The following PPP1R2 variants were observed in gnomAD, a reference collection of about 807,000 sequenced individuals.
PPP1R2 encodes the protein protein phosphatase 1 regulatory inhibitor subunit 2.
In PPP1R2, 16 loss-of-function variants were observed where a neutral mutation model predicts 29.9. The observed-to-expected ratio is 0.53, with a 90% CI of 0.36 to 0.81. The LOEUF (loss-of-function observed/expected upper bound fraction) is 0.81. Ranked by LOEUF, PPP1R2 falls within the 30% of genes least tolerant of loss-of-function variation. PPP1R2 has a pLI of 0.00. For missense variants in PPP1R2, 197 were observed against 252.7 expected, an observed-to-expected ratio of 0.78 and a Z score of 1.49; for synonymous variants, 76 against 91.5, an observed-to-expected ratio of 0.83 and a Z score of 0.96.
intron 2 of PPP1R2, chr3:195,528,028 A>G (rs1719037661): frequency 3.3e-6 from 1 of 299,198 alleles, no homozygotes; most frequent in African/African-American, 2.2e-5. Flanking sequence ...TTTTTGGGAA[A>G]CAAGTGGTGT....
intron 1 of PPP1R2, among the ~76,000 whole-genome samples, chr3:195,542,668 G>A (rs1195243071): frequency 6.6e-6 from 1 of 151,722 alleles, no homozygotes. Flanking sequence ...AAAGTTCAAA[G>A]ATGATGTTTA....
chr3:195,534,196 C>G (rs930241890), intron 1 of PPP1R2, among the ~76,000 whole-genome samples: 2 of 151,980 alleles, frequency 1.3e-5, no homozygotes, highest in Non-Finnish European at 2.9e-5. Context: ...ACACACACAC[C>G]TGCAGTCCCA....
At chr3:195,528,207 G>A (rs962559064) in intron 2 of PPP1R2, among the ~76,000 whole-genome samples, 2 of 151,944 alleles carry the variant, frequency 1.3e-5, no homozygotes, top group African/African-American at 4.8e-5. Context: ...CTTAGCTCCC[G>A]CTTATAAGTG....
rs1394888411 is a variant in PPP1R2, at chr3:195,536,811, GACA to G, written c.122+6090_122+6092del. On this transcript the variant is annotated intron_variant, in intron 1 of 5. Coordinates refer to ENST00000618156, the MANE Select transcript of PPP1R2 (RefSeq NM_006241.8). ...CTCAAAAAAAAAAAAAAAAAAAAAAGACAACGACGACAACTGATCATCGTTGCT... is the reference window on the plus strand; with the variant it reads ...CTCAAAAAAAAAAAAAAAAAAAAAAGACGACGACAACTGATCATCGTTGCT... Among the ~76,000 whole-genome samples, 3 of 122,860 alleles carry G rather than the reference GACA, an allele frequency of 2.4e-5. No homozygotes were observed. In the South Asian group the frequency reaches 8.0e-4, roughly 33 times the overall value. 80.6% of individuals were successfully genotyped at this position (122,860 alleles called of 152,430 possible).
intron 1 of PPP1R2, among the ~76,000 whole-genome samples, chr3:195,536,070 C>T (rs823511): frequency 0.8 from 122,401 of 152,108 alleles, 49,518 homozygotes; most frequent in East Asian, 0.99. Context: ...TATAAGAACG[C>T]AGTAACATAA....
intron 1 of PPP1R2, among the ~76,000 whole-genome samples, chr3:195,537,113 AAT>A (rs1160332963): frequency 5.3e-5 from 8 of 152,070 alleles, no homozygotes; most frequent in African/African-American, 1.4e-4. Context: ...AAAACATAAA[AAT>A]ATATATAACT....
At chr3:195,540,127 T>C (rs1719538747) in intron 1 of PPP1R2, among the ~76,000 whole-genome samples, 1 of 152,190 alleles carries the variant, frequency 6.6e-6, no homozygotes, top group Non-Finnish European at 1.5e-5. Flanking sequence ...TGCTAAAATG[T>C]GTAATCCCAA....
chr3:195,531,611 T>C (rs901707084), intron 1 of PPP1R2, among the ~76,000 whole-genome samples: 1 of 152,246 alleles, frequency 6.6e-6, no homozygotes, highest in Non-Finnish European at 1.5e-5. Context: ...ACTTTTTTTC[T>C]TCATTTTTTA....
At chr3:195,540,456 C>CTGT (rs1719553280) in intron 1 of PPP1R2, among the ~76,000 whole-genome samples, 3 of 152,132 alleles carry the variant, frequency 2.0e-5, no homozygotes, top group Non-Finnish European at 4.4e-5. Context: ...CAAAGAGGAT[C>CTGT]TCATAAAGTT....
rs757425716 is a variant in PPP1R2, at chr3:195,516,958, A to T, written c.572-16T>A. 1 of 1,608,204 alleles carries T rather than the reference A, an allele frequency of 6.2e-7. No homozygotes were observed. Among genetic ancestry groups the T allele is most frequent in the Non-Finnish European group, 8.5e-7 (1 of 1,174,860 alleles). Reference sequence around the variant, plus strand: ...GGAGTAGATCCTGCAAAGATAAAAGAAAAAGTCAACATAATTTGTTATATG... The same window carrying T: ...GGAGTAGATCCTGCAAAGATAAAAGTAAAAGTCAACATAATTTGTTATATG... On this transcript the variant is annotated splice_polypyrimidine_tract_variant and intron_variant, in intron 5 of 5. Transcript: ENST00000618156.
At chr3:195,525,546 T>C (rs1048348899) in intron 2 of PPP1R2, among the ~76,000 whole-genome samples, 1 of 152,234 alleles carries the variant, frequency 6.6e-6, no homozygotes, top group Non-Finnish European at 1.5e-5. Flanking sequence ...AGTAAATCAC[T>C]GTCTGGTTTT....
chr3:195,517,050 A>C, intron 5 of PPP1R2, 108 bp from the exon 6 acceptor site: 1 of 852,308 alleles, frequency 1.2e-6, no homozygotes, highest in Non-Finnish European at 1.9e-6. Context: ...AATTTTAAAA[A>C]CAAATAAGGT....
chr3:195,518,329 G>A (rs750374374), intron 5 of PPP1R2, among the ~76,000 whole-genome samples: 117 of 152,200 alleles, frequency 7.7e-4, no homozygotes, highest in Admixed American at 2.7e-3. Flanking sequence ...TGTATCTAAC[G>A]GGATGTAAAA....
intron 1 of PPP1R2, among the ~76,000 whole-genome samples, chr3:195,541,402 T>C (rs1719588285): frequency 6.6e-6 from 1 of 152,034 alleles, no homozygotes; most frequent in African/African-American, 2.4e-5. Context: ...GAAGCTACAT[T>C]TGAGCCTTCT....
At chr3:195,530,252 T>C (rs1577575623) in intron 1 of PPP1R2, among the ~76,000 whole-genome samples, 1 of 152,236 alleles carries the variant, frequency 6.6e-6, no homozygotes, top group East Asian at 1.9e-4. Flanking sequence ...TAGGCATTTT[T>C]GATCTATATA....
At chr3:195,539,628 G>A (rs1445524013) in intron 1 of PPP1R2, among the ~76,000 whole-genome samples, 7 of 152,084 alleles carry the variant, frequency 4.6e-5, no homozygotes, top group Admixed American at 6.6e-5. Context: ...GCTGCAGTGC[G>A]CTGTGATCGT....
intron 2 of PPP1R2, among the ~76,000 whole-genome samples, chr3:195,528,178 T>C (rs1394025934): frequency 6.6e-6 from 1 of 152,148 alleles, no homozygotes; most frequent in East Asian, 1.9e-4. Flanking sequence ...AAGTCCACTG[T>C]ATCATTCTTA....
chr3:195,542,740 C>T (rs1361181554), intron 1 of PPP1R2, among the ~76,000 whole-genome samples, 164 bp downstream of exon 1: 1 of 152,152 alleles, frequency 6.6e-6, no homozygotes, highest in Non-Finnish European at 1.5e-5. Context: ...ACGTCATCGC[C>T]CAGCCTTCTT....
At chr3:195,535,553 T>A (rs1303133520) in intron 1 of PPP1R2, among the ~76,000 whole-genome samples, 1 of 152,178 alleles carries the variant, frequency 6.6e-6, no homozygotes. Context: ...GGTGAAGGGT[T>A]TCAAGATATG....
Sources: allele counts gnomAD v4.1 joint callset (sites outside exome capture counted in the v4.1 genomes callset), GRCh38; gene constraint gnomAD v4.1.1; transcripts MANE v1.5; gene names NCBI Gene and HGNC (gene_info 2026-07-23, HGNC 2026-07-21).